NRG3: variants seen among roughly 807,000 people sequenced by gnomAD.
NRG3 encodes pro-neuregulin-3, membrane-bound isoform.
A neutral mutation model predicts 66.9 loss-of-function variants in NRG3; 31 were observed. The observed-to-expected ratio is 0.46, with a 90% confidence interval of 0.35 to 0.63. The LOEUF is 0.63. Among genes scored for constraint, NRG3 ranks in the 20% least tolerant of loss-of-function variants. The pLI is 0.00. For missense variants in NRG3, 910 were observed against 878.9 expected (o/e 1.04, Z -0.45); for synonymous variants, 393 against 359.4 (o/e 1.09, Z -1.06).
Position 82,376,180 on chromosome 10 carries a change from C to G in NRG3, c.953+17312C>G, listed in dbSNP as rs1326303323. On this transcript the variant is annotated intron_variant, in intron 2 of 8. Coordinates refer to ENST00000372141, the MANE Select transcript of NRG3 (RefSeq NM_001010848.4). ...TCGCTGAACGTGCGTCTGGCCTTATCTAGCAAGGCTTTACACCGGAGCTCT... is the reference window on the plus strand; with the variant it reads ...TCGCTGAACGTGCGTCTGGCCTTATGTAGCAAGGCTTTACACCGGAGCTCT... Among the ~76,000 whole-genome samples the G allele has an allele frequency of 2.0e-5, 3 of 152,136 alleles. 1 individual carries two copies. The highest frequency in any genetic ancestry group is 4.8e-5 in the African/African-American group (2 of 41,412).
chr10:82,076,723 C>T lies in NRG3; in HGVS notation c.823+200560C>T, dbSNP rs867017265. ...TGTTCCCATGTGACATGCCAGCTCC[C>T]CCTTTACCTTCTGCCATAAGTGGAA... On this transcript the variant is annotated intron_variant, in intron 1 of 8. Transcript: ENST00000372141. Among the ~76,000 whole-genome samples the T allele has an allele frequency of 3.9e-5, 6 of 152,274 alleles. 1 individual carries two copies. The Middle Eastern group carries it at 0.017, about 432-fold the overall frequency.
chr10:82,319,190 G>C (rs1284876352), intron 1 of NRG3, among the ~76,000 whole-genome samples: 1 of 152,214 alleles, frequency 6.6e-6, no homozygotes, highest in African/African-American at 2.4e-5. Context: ...GGTGCACACA[G>C]AGCTGGCCCT....
chr10:82,900,665 C>T (rs1844128963), intron 4 of NRG3, among the ~76,000 whole-genome samples: 1 of 151,974 alleles, frequency 6.6e-6, no homozygotes, highest in African/African-American at 2.4e-5. Flanking sequence ...ATCACAGTGG[C>T]CTTATAGGGT....
intron 2 of NRG3, among the ~76,000 whole-genome samples, chr10:82,610,144 C>T (rs2048218761): frequency 6.6e-6 from 1 of 152,206 alleles, no homozygotes; most frequent in South Asian, 2.1e-4. Context: ...ATATCAGCCC[C>T]TCTGTCTCCA....
chr10:81,998,690 A>G (rs937920886), intron 1 of NRG3, among the ~76,000 whole-genome samples: 3 of 152,234 alleles, frequency 2.0e-5, no homozygotes, highest in African/African-American at 7.2e-5. Flanking sequence ...ATGAATGTTA[A>G]TCATCTCCTC....
In NRG3 at chr10:82,723,718, G is replaced by A. The variant is rs1020856355; in HGVS notation, c.954-14859G>A. Among the ~76,000 whole-genome samples, 129 of 152,048 alleles carry A rather than the reference G, an allele frequency of 8.5e-4. 1 individual carries two copies. The highest frequency in any genetic ancestry group is 5.7e-3 in the Admixed American group (87 of 15,258). On this transcript the variant is annotated intron_variant, in intron 2 of 8. Coordinates refer to ENST00000372141, the MANE Select transcript of NRG3 (RefSeq NM_001010848.4). ...AAATAGTCCAGGCGTGGTGGCTCAC[G>A]CCTGTAATCCCAGCACTTTGGGAGG...
intron 2 of NRG3, among the ~76,000 whole-genome samples, chr10:82,617,081 A>G (rs1280692834): frequency 6.6e-6 from 1 of 152,174 alleles, no homozygotes; most frequent in Non-Finnish European, 1.5e-5. Flanking sequence ...TCCTTTGCCA[A>G]TATAGTAATG....
chr10:82,804,974 G>A (rs767310666), intron 3 of NRG3, among the ~76,000 whole-genome samples: 3 of 152,122 alleles, frequency 2.0e-5, no homozygotes, highest in African/African-American at 4.8e-5. Context: ...TACTACTGGG[G>A]GTTAGAGCAT....
Position 82,985,404 on chromosome 10 carries a change from G to C in NRG3, c.1890G>C (p.Leu630Phe). Residue 630 changes from leucine to phenylalanine, a missense_variant, in exon 9 of 9, where the codon TTG becomes TTC. Leu to Phe is a conservative substitution (Grantham distance 22). Coordinates refer to ENST00000372141, the MANE Select transcript of NRG3 (RefSeq NM_001010848.4). ...LIAEQQEVKI[L>F]LETVQEQIRI... ...CAGAACAACAAGAAGTGAAAATATTGCTAGAAACTGTCCAGGAGCAGATCC... is the reference window on the plus strand; with the variant it reads ...CAGAACAACAAGAAGTGAAAATATTCCTAGAAACTGTCCAGGAGCAGATCC... 3.7e-6 allele frequency: 6 copies of C among 1,614,110 alleles called. No individual in the cohort carries two copies. The South Asian group carries it at 6.6e-5, about 18-fold the overall frequency.
At chr10:82,861,245 C>A (rs887829216) in intron 3 of NRG3, among the ~76,000 whole-genome samples, 1 of 151,600 alleles carries the variant, frequency 6.6e-6, no homozygotes, top group South Asian at 2.1e-4. Flanking sequence ...ATTTGTATGT[C>A]CAGTGGTGTC....
At chr10:82,144,502 G>T (rs1403671657) in intron 1 of NRG3, among the ~76,000 whole-genome samples, 1 of 152,162 alleles carries the variant, frequency 6.6e-6, no homozygotes, top group Non-Finnish European at 1.5e-5. Context: ...AATATTTGTG[G>T]CAATTAGCAG....
In NRG3 at chr10:82,665,264, G is replaced by A. The variant is rs898728326; in HGVS notation, c.954-73313G>A. On this transcript the variant is annotated intron_variant, in intron 2 of 8. Coordinates refer to ENST00000372141, the MANE Select transcript of NRG3 (RefSeq NM_001010848.4). Reference sequence around the variant, plus strand: ...ATTACTCAAGCCCTTCCTATAGCACGTACTTCTTCAGTTCTTGAACAATAG... The same window carrying A: ...ATTACTCAAGCCCTTCCTATAGCACATACTTCTTCAGTTCTTGAACAATAG... Among the ~76,000 whole-genome samples the A allele has an allele frequency of 4.6e-5, 7 of 152,098 alleles. No homozygotes were observed. The South Asian group carries it at 1.0e-3, about 22-fold the overall frequency.
At chr10:81,887,489 A>G (rs1228264722) in intron 1 of NRG3, among the ~76,000 whole-genome samples, 1 of 152,180 alleles carries the variant, frequency 6.6e-6, no homozygotes, top group East Asian at 1.9e-4. Context: ...GCTAATTGAC[A>G]GTGCTGAGTA....
intron 1 of NRG3, among the ~76,000 whole-genome samples, chr10:82,299,809 C>G (rs996557518): frequency 6.6e-6 from 1 of 152,014 alleles, no homozygotes; most frequent in Non-Finnish European, 1.5e-5. Context: ...CAATGAGAGA[C>G]AAGGGAATTC....
rs1853322518 is a variant in NRG3, at chr10:82,985,087, TTC to T, written c.1584-9_1584-8del. ...GAAAGCAGAAGGAGTAACACTGTGT[TTC>T]TTTTTCAGGTATTCATCCAGTGGTT... On this transcript the variant is annotated splice_polypyrimidine_tract_variant and intron_variant, in intron 8 of 8. Coordinates refer to ENST00000372141, the MANE Select transcript of NRG3 (RefSeq NM_001010848.4). 2 of 1,611,036 alleles carry T rather than the reference TTC, an allele frequency of 1.2e-6. No homozygotes were observed. The highest frequency in any genetic ancestry group is 1.7e-6 in the Non-Finnish European group (2 of 1,178,556).
At chr10:81,955,504 G>A (rs537438031) in intron 1 of NRG3, among the ~76,000 whole-genome samples, 38 of 152,206 alleles carry the variant, frequency 2.5e-4, no homozygotes, top group African/African-American at 8.2e-4. Flanking sequence ...CCAGCTAAGG[G>A]TGATTATGAG....
chr10:82,704,045 C>T (rs1023606793), intron 2 of NRG3, among the ~76,000 whole-genome samples: 8 of 152,006 alleles, frequency 5.3e-5, no homozygotes, highest in African/African-American at 1.9e-4. Context: ...CTTACCTTTG[C>T]ATAATTGACT....
chr10:82,921,549 T>G (rs537327780), intron 4 of NRG3, among the ~76,000 whole-genome samples: 1 of 152,286 alleles, frequency 6.6e-6, no homozygotes, highest in Non-Finnish European at 1.5e-5. Flanking sequence ...TAAGTGAAAT[T>G]TCTCTACTAT....
At chr10:82,576,928 C>T (rs757034337) in intron 2 of NRG3, among the ~76,000 whole-genome samples, 1 of 151,796 alleles carries the variant, frequency 6.6e-6, no homozygotes, top group Non-Finnish European at 1.5e-5. Context: ...CTTCTAGTGA[C>T]ACCTATATCT....
Sources: allele counts gnomAD v4.1 joint callset (sites outside exome capture counted in the v4.1 genomes callset), GRCh38; gene constraint gnomAD v4.1.1; transcripts MANE v1.5; gene names NCBI Gene and HGNC (gene_info 2026-07-23, HGNC 2026-07-21).